HNF4A: variants seen among roughly 807,000 people sequenced by gnomAD.
The protein encoded by HNF4A is hepatocyte nuclear factor 4 alpha.
HNF4A carries 15 observed loss-of-function variants against 52.4 expected under a neutral mutation model. The ratio of observed to expected loss-of-function variants is 0.29; its 90% CI spans 0.19 to 0.44. The LOEUF is 0.44. Among genes scored for constraint, HNF4A ranks in the 20% least tolerant of loss-of-function variants. The pLI is 1.00. For synonymous variants in HNF4A, 280 were observed against 264.4 expected (o/e 1.06, Z -0.57); for missense variants, 479 against 647.2 (o/e 0.74, Z 2.82).
At chr20:44,405,198 C>T (rs1352189736) in intron 1 of HNF4A, among the ~76,000 whole-genome samples, 1 of 152,062 alleles carries the variant, frequency 6.6e-6, no homozygotes, top group Non-Finnish European at 1.5e-5. Context: ...TCAAAGGGGT[C>T]TATCTTTGCT....
chr20:44,409,820 G>A (rs1262820312), intron 3 of HNF4A, among the ~76,000 whole-genome samples: 1 of 146,126 alleles, frequency 6.8e-6, no homozygotes, highest in Non-Finnish European at 1.5e-5. Flanking sequence ...GGATGGGTGT[G>A]TTTGTTCCCT....
intron 3 of HNF4A, among the ~76,000 whole-genome samples, chr20:44,409,075 G>A (rs1252194864): frequency 6.6e-6 from 1 of 151,882 alleles, no homozygotes; most frequent in Non-Finnish European, 1.5e-5. Context: ...CATCCTTATG[G>A]GACCTTAGTC....
chr20:44,357,309 T>G (rs529329674), intron 1 of HNF4A, among the ~76,000 whole-genome samples: 2 of 152,198 alleles, frequency 1.3e-5, no homozygotes, highest in South Asian at 4.2e-4. Flanking sequence ...ACAGGACCTA[T>G]CTCCCAGAGA....
At chr20:44,405,057 G>GTGTGGTGCGTGTGTGTGGACTC (rs2063478898) in intron 1 of HNF4A, among the ~76,000 whole-genome samples, 1 of 103,478 alleles carries the variant, frequency 9.7e-6, no homozygotes, top group African/African-American at 3.6e-5. Flanking sequence ...TGTGTGGACT[G>GTGTGGTGCGTGTGTGTGGACTC]TGTGGTGCGT....
chr20:44,418,289 T>C lies in HNF4A; in HGVS notation c.649-136T>C, dbSNP rs3212200. ...TTTCTAGTTTTATGGGTAGTAGTTTTATGATGCCCATTTCACAGTTCAGGC... is the reference window on the plus strand; with the variant it reads ...TTTCTAGTTTTATGGGTAGTAGTTTCATGATGCCCATTTCACAGTTCAGGC... On this transcript the variant is annotated intron_variant, in intron 5 of 9. Coordinates refer to ENST00000316099, the MANE Select transcript of HNF4A (RefSeq NM_000457.6). The C allele has an allele frequency of 0.017, 12,948 of 777,176 alleles. 1,230 individuals carry two copies. In the East Asian group the frequency reaches 0.23, roughly 14 times the overall value. 48.1% of individuals were successfully genotyped at this position (777,176 alleles called of 1,614,324 possible). A position where few individuals can be genotyped will look rare whatever the true frequency, so the allele number is the denominator to read the frequency against.
chr20:44,403,966 C>T (rs1477519302), intron 1 of HNF4A, among the ~76,000 whole-genome samples: 1 of 151,992 alleles, frequency 6.6e-6, no homozygotes. Flanking sequence ...GAGGAGAGGC[C>T]GAGGGAGAAA....
intron 1 of HNF4A, among the ~76,000 whole-genome samples, chr20:44,360,302 G>A (rs1430531523): frequency 6.6e-6 from 1 of 152,158 alleles, no homozygotes; most frequent in Non-Finnish European, 1.5e-5. Flanking sequence ...GAATGGAATA[G>A]AGGGAGAAAT....
intron 1 of HNF4A, among the ~76,000 whole-genome samples, chr20:44,367,779 TA>T (rs765090521): frequency 1.3e-5 from 2 of 151,632 alleles, no homozygotes; most frequent in African/African-American, 2.4e-5. Context: ...AGAAAATAAA[TA>T]AATAAATAAA....
intron 1 of HNF4A, among the ~76,000 whole-genome samples, chr20:44,384,159 CT>C (rs371586705): frequency 0.25 from 30,532 of 124,562 alleles, 4,203 homozygotes; most frequent in Admixed American, 0.38. Flanking sequence ...CCCCTGGCTC[CT>C]TTTTTTTTTT....
intron 1 of HNF4A, among the ~76,000 whole-genome samples, chr20:44,404,809 C>T (rs374962067): frequency 0.023 from 12 of 524 alleles, 1 homozygote; most frequent in East Asian, 0.05. Context: ...GGTGTGTGGA[C>T]TGTGTGGTGT....
chr20:44,388,331 T>C (rs1170446444), intron 1 of HNF4A, among the ~76,000 whole-genome samples: 1 of 138,766 alleles, frequency 7.2e-6, no homozygotes, highest in Admixed American at 7.4e-5. Flanking sequence ...AACATCTGCT[T>C]CCACATGGAA....
At chr20:44,397,488 C>T (rs2063363446), upstream of HNF4A, among the ~76,000 whole-genome samples, 1 of 152,204 alleles carries the variant, frequency 6.6e-6, no homozygotes, top group Non-Finnish European at 1.5e-5. Flanking sequence ...CAGATCTTCT[C>T]TTCTGGCTAT....
chr20:44,376,004 T>G (rs945374313), intron 1 of HNF4A, among the ~76,000 whole-genome samples: 16 of 151,804 alleles, frequency 1.1e-4, no homozygotes, highest in African/African-American at 3.6e-4. Flanking sequence ...CCCAGCACTT[T>G]GGGAGGTTGA....
At chr20:44,396,738 G>T (rs1041839498), upstream of HNF4A, among the ~76,000 whole-genome samples, 1 of 152,260 alleles carries the variant, frequency 6.6e-6, no homozygotes, top group Middle Eastern at 3.4e-3. Context: ...ATGCCTACAC[G>T]TGGTCATTTA....
rs371827863 is a variant in HNF4A, at chr20:44,414,547, C to T, written c.533C>T (p.Ala178Val). ...TCCGGGATCAACGGCGACATTCGGG[C>T]GAAGAAGATTGCCAGCATCGCAGAT... The change falls in exon 5 of 10, where the codon GCG becomes GTG. Residue 178 changes from alanine (A) to valine (V), a missense_variant. Coordinates refer to ENST00000316099, the MANE Select transcript of HNF4A (RefSeq NM_000457.6). 1.9e-5 allele frequency: 30 copies of T among 1,614,098 alleles called. No individual in the cohort carries two copies. Among genetic ancestry groups the T allele is most frequent in the Admixed American group, 3.3e-5 (2 of 60,010 alleles).
intron 8 of HNF4A, 162 bp downstream of exon 8, chr20:44,424,416 G>C: frequency 7.9e-7 from 1 of 1,269,528 alleles, no homozygotes; most frequent in Non-Finnish European, 1.1e-6. Context: ...AGAAAAATGG[G>C]AACAAGGCAA....
chr20:44,357,172 A>C (rs2062868044), intron 1 of HNF4A, among the ~76,000 whole-genome samples: 1 of 152,176 alleles, frequency 6.6e-6, no homozygotes, highest in Admixed American at 6.5e-5. Flanking sequence ...TATGTGATGC[A>C]CTGGAAATGG....
At chr20:44,365,759 C>A (rs966564212) in intron 1 of HNF4A, among the ~76,000 whole-genome samples, 1 of 152,130 alleles carries the variant, frequency 6.6e-6, no homozygotes, top group Admixed American at 6.6e-5. Flanking sequence ...GTAATCCCAG[C>A]ACTTTGGGAG....
intron 1 of HNF4A, among the ~76,000 whole-genome samples, chr20:44,358,866 T>C (rs1221375856): frequency 1.3e-5 from 2 of 152,092 alleles, no homozygotes; most frequent in Non-Finnish European, 2.9e-5. Context: ...ATCCTCGTTG[T>C]GGTTTCATGT....
Sources: allele counts gnomAD v4.1 joint callset (sites outside exome capture counted in the v4.1 genomes callset), GRCh38; gene constraint gnomAD v4.1.1; transcripts MANE v1.5; gene names NCBI Gene and HGNC (gene_info 2026-07-23, HGNC 2026-07-21).